NR4A2: variants seen among roughly 807,000 people sequenced by gnomAD.
NR4A2 encodes nuclear receptor subfamily 4 group A member 2.
In NR4A2, 1 loss-of-function variant was observed where a neutral mutation model predicts 50.5. The ratio of observed to expected loss-of-function variants is 0.02; its 90% CI spans 0.01 to 0.09. The LOEUF (loss-of-function observed/expected upper bound fraction) is 0.09, where lower values mean the gene tolerates loss of function less well. NR4A2 is among the 10% of genes least tolerant of loss of function. The pLI, the probability that NR4A2 is intolerant of heterozygous loss-of-function variation, is 1.00. For synonymous variants in NR4A2, 328 were observed against 309.4 expected (o/e 1.06, Z -0.63); for missense variants, 613 against 777.3 (o/e 0.79, Z 2.51).
At chr2:156,327,125 A>G (rs1215515917) in intron 5 of NR4A2, among the ~76,000 whole-genome samples, 1 of 152,166 alleles carries the variant, frequency 6.6e-6, no homozygotes, top group Non-Finnish European at 1.5e-5. Flanking sequence ...GTAAATTGCC[A>G]TTTCCATACA....
In NR4A2 at chr2:156,330,197, G is replaced by A. The variant is rs1258259849; in HGVS notation, c.-2-9C>T. ...CTGAACACAAGGCATGGCTGGAAAT[G>A]AAACAGGGTGATAACACACTCAGCC... On this transcript the variant is annotated splice_polypyrimidine_tract_variant and intron_variant, in intron 2 of 7. Coordinates refer to ENST00000339562, the MANE Select transcript of NR4A2 (RefSeq NM_006186.4). 6.2e-7 allele frequency: 1 copy of A among 1,613,784 alleles called. No individual in the cohort carries two copies. Among genetic ancestry groups the A allele is most frequent in the East Asian group, 2.2e-5 (1 of 44,886 alleles).
intron 5 of NR4A2, 59 bp downstream of exon 5, chr2:156,327,792 G>A: frequency 6.5e-7 from 1 of 1,540,072 alleles, no homozygotes; most frequent in Non-Finnish European, 8.8e-7. Flanking sequence ...CGGATGTGGG[G>A]AGGGGTCCTG....
chr2:156,331,140 A>T (rs1454000997), intron 1 of NR4A2, among the ~76,000 whole-genome samples: 1 of 152,204 alleles, frequency 6.6e-6, no homozygotes, highest in Admixed American at 6.5e-5. Context: ...GGACCTGAGT[A>T]TGAAGACTAG....
Position 156,326,269 on chromosome 2 carries a change from T to C in NR4A2, c.1421A>G (p.Gln474Arg). The C allele has an allele frequency of 6.2e-7, 1 of 1,614,202 alleles. No homozygotes were observed. Among genetic ancestry groups the C allele is most frequent in the Non-Finnish European group, 8.5e-7 (1 of 1,180,040 alleles). ...CCATTCCCCAAAGCCACGAACGCAT[T>C]GCAACCTGTGCAAGACCACCCCATT... Reference protein sequence around the residue: ...FCNGVVLHRLQCVRGFGEWID... With the variant: ...FCNGVVLHRLRCVRGFGEWID... Residue 474 changes from glutamine to arginine, a missense_variant, in exon 7 of 8, where the codon CAA becomes CGA. By Grantham distance (43) the Gln-to-Arg change is conservative. This residue lies in a region of NR4A2 where 250 missense variants were observed against 311.3 expected (regional missense o/e 0.80). Transcript: ENST00000339562. This position sits in a 1 kb window ranked among gnomAD's most constrained non-coding sequence, Gnocchi z 4.2.
At position 156,328,570 on chromosome 2, in the gene NR4A2, C is replaced by A. The variant is rs1164552524; in HGVS notation, c.865-37G>T. On this transcript the variant is annotated intron_variant, in intron 3 of 7. Transcript: ENST00000339562. This position sits in a 1 kb window ranked among gnomAD's most constrained non-coding sequence, Gnocchi z 4.9. ...GACAATATAGACCAACATTTTTTTT[C>A]TTCTTTTGAAAATCAGGCAACTCGG... The A allele has an allele frequency of 2.5e-6, 4 of 1,613,654 alleles. No individual in the cohort carries two copies. In the Admixed American group the frequency reaches 5.0e-5, roughly 20 times the overall value.
chr2:156,328,099 C>A lies in NR4A2; in HGVS notation c.995-85G>T. ...GGTCCCTCCCCGGGGAAGGCCGCAG[C>A]CGCGGGGCACCAGGCTGAGCGGCTG... is the stretch of plus-strand genomic sequence containing the variant. On this transcript the variant is annotated intron_variant, in intron 4 of 7. Transcript: ENST00000339562. This position sits in a 1 kb window ranked among gnomAD's most constrained non-coding sequence, Gnocchi z 4.9. The A allele has an allele frequency of 6.5e-7, 1 of 1,533,270 alleles. No individual in the cohort carries two copies. Among genetic ancestry groups the A allele is most frequent in the South Asian group, 1.2e-5 (1 of 83,970 alleles). 95.0% of individuals were successfully genotyped at this position (1,533,270 alleles called of 1,614,324 possible). A position where few individuals can be genotyped will look rare whatever the true frequency, so the allele number is the denominator to read the frequency against.
chr2:156,332,670 G>A lies in NR4A2; in HGVS notation c.-317C>T. 1 of 403,570 alleles carries A rather than the reference G, an allele frequency of 2.5e-6. No individual in the cohort carries two copies. Among genetic ancestry groups the A allele is most frequent in the Non-Finnish European group, 4.7e-6 (1 of 210,642 alleles). The allele number at this position is 403,570 out of a possible 1,614,324, so 25.0% of individuals were successfully genotyped here. ...AAAGGGACCGCGGAGCCGTGCGCGA[G>A]CCGCCGGGCGGACTGGCCCTGGCCG... On this transcript the variant is annotated 5_prime_UTR_variant, in exon 1 of 8. Transcript: ENST00000339562.
rs970389321 is a variant in NR4A2, at chr2:156,326,130, C to T, written c.1540+20G>A. 11 of 1,613,994 alleles carry T rather than the reference C, an allele frequency of 6.8e-6. No homozygotes were observed. The highest frequency in any genetic ancestry group is 9.3e-6 in the Non-Finnish European group (11 of 1,180,000). The stretch of plus-strand genomic sequence containing the variant: ...CTAGGCAGTTCTGGAGGGGAAGCGC[C>T]CTGCGCCTGCAGTACTGACCTGTGA... On this transcript the variant is annotated intron_variant, in intron 7 of 7. Transcript: ENST00000339562. The surrounding 1 kb of genome is among the most constrained non-coding windows in gnomAD (Gnocchi z 4.2).
In NR4A2 at chr2:156,328,591, CTCGGAGAAAAT is replaced by C; in HGVS notation, c.865-69_865-59del. ...TTTTCTTCTTTTGAAAATCAGGCAA[CTCGGAGAAAAT>C]TTCTGTTATGTGACTGGGGTCTACG... On this transcript the variant is annotated intron_variant, in intron 3 of 7. Coordinates refer to ENST00000339562, the MANE Select transcript of NR4A2 (RefSeq NM_006186.4). This position sits in a 1 kb window ranked among gnomAD's most constrained non-coding sequence, Gnocchi z 4.9. 6.2e-7 allele frequency: 1 copy of C among 1,612,080 alleles called. No individual in the cohort carries two copies. Among genetic ancestry groups the C allele is most frequent in the Non-Finnish European group, 8.5e-7 (1 of 1,179,018 alleles).
At position 156,327,926 on chromosome 2, in the gene NR4A2, C is replaced by A; in HGVS notation, c.1083G>T (p.Pro361=). Residue 361 remains proline, a synonymous_variant, in exon 5 of 8, where the codon CCG becomes CCT. Coordinates refer to ENST00000339562, the MANE Select transcript of NR4A2 (RefSeq NM_006186.4). ...TGACGAGGGCACTGATCAGACTCAC[C>A]GGGGGCGAAGGGGGAGAGGGCTCCT... is the stretch of plus-strand genomic sequence containing the variant. The part of the protein sequence containing the change: ...SPQEPSPPSP[P]VSLISALVRA... 17 of 1,595,064 alleles carry A rather than the reference C, an allele frequency of 1.1e-5. No homozygotes were observed. The highest frequency in any genetic ancestry group is 1.5e-5 in the Non-Finnish European group (17 of 1,170,100).
In NR4A2 at chr2:156,329,464, A is replaced by G. The variant is rs751045429; in HGVS notation, c.723T>C (p.Ser241=). 6.2e-7 allele frequency: 1 copy of G among 1,607,564 alleles called. No homozygotes were observed. The highest frequency in any genetic ancestry group is 1.1e-5 in the South Asian group (1 of 90,960). The change falls in exon 3 of 8, where the codon TCT becomes TCC. Residue 241 remains serine, a synonymous_variant. Coordinates refer to ENST00000339562, the MANE Select transcript of NR4A2 (RefSeq NM_006186.4). The surrounding 1 kb of genome is among the most constrained non-coding windows in gnomAD (Gnocchi z 7.5). The part of the protein sequence containing the change: ...GFPGLQIGHA[S]QLLDTQVPSP... ...AGGGCACCTGCGTGTCGAGCAGCTGAGACGCGTGGCCGATCTGCAGGCCCG... is the reference window on the plus strand; with the variant it reads ...AGGGCACCTGCGTGTCGAGCAGCTGGGACGCGTGGCCGATCTGCAGGCCCG...
chr2:156,329,413 G>A lies in NR4A2; in HGVS notation c.774C>T (p.Ser258=), dbSNP rs1326295964. The A allele has an allele frequency of 2.5e-6, 4 of 1,610,552 alleles. No individual in the cohort carries two copies. The highest frequency in any genetic ancestry group is 3.4e-6 in the Non-Finnish European group (4 of 1,179,286). ...VPSPPSRGSP[S]NEGLCAVCGD... ...CACACACAGCGCACAGCCCCTCGTT[G>A]GAGGGGGAGCCCCGCGACGGCGGTG... Residue 258 remains serine, a synonymous_variant, in exon 3 of 8, where the codon TCC becomes TCT. Coordinates refer to ENST00000339562, the MANE Select transcript of NR4A2 (RefSeq NM_006186.4). This position sits in a 1 kb window ranked among gnomAD's most constrained non-coding sequence, Gnocchi z 7.5.
chr2:156,331,445 G>A (rs372095025), intron 1 of NR4A2, among the ~76,000 whole-genome samples: 1 of 152,160 alleles, frequency 6.6e-6, no homozygotes, highest in East Asian at 1.9e-4. Flanking sequence ...AGGCTTAATG[G>A]TCACAAGGTG....
At position 156,328,043 on chromosome 2, in the gene NR4A2, CT is replaced by C; in HGVS notation, c.995-30del. The C allele has an allele frequency of 6.3e-7, 1 of 1,592,386 alleles. No individual in the cohort carries two copies. Among genetic ancestry groups the C allele is most frequent in the South Asian group, 1.1e-5 (1 of 88,182 alleles). On this transcript the variant is annotated intron_variant, in intron 4 of 7. Coordinates refer to ENST00000339562, the MANE Select transcript of NR4A2 (RefSeq NM_006186.4). The surrounding 1 kb of genome is among the most constrained non-coding windows in gnomAD (Gnocchi z 4.9). ...CAAAGGAAGAGCCCTGTTAGCGCCG[CT>C]TTTCCGAGCCCAGGCCCAGCTGCTG...
In NR4A2 at chr2:156,330,722, T is replaced by C; in HGVS notation, c.-57A>G. 1 of 1,260,670 alleles carries C rather than the reference T, an allele frequency of 7.9e-7. No individual in the cohort carries two copies. The allele number at this position is 1,260,670 out of a possible 1,614,324, so 78.1% of individuals were successfully genotyped here. A position where few individuals can be genotyped will look rare whatever the true frequency, so the allele number is the denominator to read the frequency against. ...AAATTAAAGGTGGACAGTGTCGTAATTCAATGAAGGACAAAGTTTCCAAGA... is the reference window on the plus strand; with the variant it reads ...AAATTAAAGGTGGACAGTGTCGTAACTCAATGAAGGACAAAGTTTCCAAGA... On this transcript the variant is annotated 5_prime_UTR_variant, in exon 2 of 8. Transcript: ENST00000339562.
Position 156,326,557 on chromosome 2 carries a change from C to G in NR4A2, c.1361+161G>C, listed in dbSNP as rs965338048. ...CAAGGCTTCTGGGCTCGCTTCTTCT[C>G]GTCTTTTTTTGTTTTCTTTCTTTTT... is the stretch of plus-strand genomic sequence containing the variant. On this transcript the variant is annotated intron_variant, in intron 6 of 7. Coordinates refer to ENST00000339562, the MANE Select transcript of NR4A2 (RefSeq NM_006186.4). This position sits in a 1 kb window ranked among gnomAD's most constrained non-coding sequence, Gnocchi z 4.2. Among the ~76,000 whole-genome samples, 9 of 152,262 alleles carry G rather than the reference C, an allele frequency of 5.9e-5. No homozygotes were observed. Among genetic ancestry groups the G allele is most frequent in the Non-Finnish European group, 7.4e-5 (5 of 68,010 alleles).
chr2:156,325,519 G>T lies in NR4A2; in HGVS notation c.*225C>A. On this transcript the variant is annotated 3_prime_UTR_variant, in exon 8 of 8. Coordinates refer to ENST00000339562, the MANE Select transcript of NR4A2 (RefSeq NM_006186.4). Reference sequence around the variant, plus strand: ...CCATGTTCTAAATCCAGGATGCCCCGGAGCCAAAATGCCCTTTCAGGTTCT... The same window carrying T: ...CCATGTTCTAAATCCAGGATGCCCCTGAGCCAAAATGCCCTTTCAGGTTCT... The T allele has an allele frequency of 3.4e-6, 2 of 589,522 alleles. No individual in the cohort carries two copies. The highest frequency in any genetic ancestry group is 6.0e-6 in the Non-Finnish European group (2 of 333,072). The allele number at this position is 589,522 out of a possible 1,614,324, so 36.5% of individuals were successfully genotyped here.
Position 156,326,318 on chromosome 2 carries a change from C to T in NR4A2, c.1372G>A (p.Val458Met), listed in dbSNP as rs1218090400. Residue 458 changes from valine (V) to methionine (M), a missense_variant, in exon 7 of 8, where the codon GTG (valine) becomes ATG (methionine). Coordinates refer to ENST00000339562, the MANE Select transcript of NR4A2 (RefSeq NM_006186.4). This position sits in a 1 kb window ranked among gnomAD's most constrained non-coding sequence, Gnocchi z 4.2. ...VLRLAYRSNP[V>M]EGKLIFCNGV... Reference sequence around the variant, plus strand: ...TTGCAAAAGATGAGTTTACCCTCCACTGGGTTGGACCTGCAATTAATACCA... The same window carrying T: ...TTGCAAAAGATGAGTTTACCCTCCATTGGGTTGGACCTGCAATTAATACCA... 6.2e-7 allele frequency: 1 copy of T among 1,614,072 alleles called. No individual in the cohort carries two copies. Among genetic ancestry groups the T allele is most frequent in the Non-Finnish European group, 8.5e-7 (1 of 1,179,902 alleles).
chr2:156,325,324 C>CTG lies in NR4A2; in HGVS notation c.*418_*419dup, dbSNP rs3832066. The CTG allele has an allele frequency of 2.9e-3, 648 of 220,530 alleles. 2 individuals are homozygous for CTG. Among genetic ancestry groups the CTG allele is most frequent in the African/African-American group, 9.4e-3 (409 of 43,458 alleles). 13.7% of individuals were successfully genotyped at this position (220,530 alleles called of 1,614,324 possible). A position where few individuals can be genotyped will look rare whatever the true frequency, so the allele number is the denominator to read the frequency against. On this transcript the variant is annotated 3_prime_UTR_variant, in exon 8 of 8. Coordinates refer to ENST00000339562, the MANE Select transcript of NR4A2 (RefSeq NM_006186.4). ...TTGTGGGTCCCCTTAAGATGTGTCT[C>CTG]TGTGTGTGTGTGTGTGTGTGTATGT...
Sources: gnomAD v4.1 joint callset for allele counts (sites outside exome capture counted in the v4.1 genomes callset) on GRCh38, gnomAD v4.1.1 for gene constraint, gnomAD v4.1.1 regional missense constraint, Gnocchi (gnomAD v3.1) non-coding constraint, MANE v1.5 for transcripts, NCBI Gene and HGNC (gene_info 2026-07-23, HGNC 2026-07-21) for gene names.